Variants in WDFY3 observed in about 807,000 individuals in gnomAD.
WDFY3 encodes WD repeat and FYVE domain containing 3.
WDFY3 carries 66 observed loss-of-function variants against 409.6 expected under a neutral mutation model. The ratio of observed to expected loss-of-function variants is 0.16; its 90% CI spans 0.13 to 0.20. The LOEUF is 0.20. Among genes scored for constraint, WDFY3 ranks in the 10% least tolerant of loss-of-function variants. The pLI is 1.00. For synonymous variants in WDFY3, 1,521 were observed against 1,537.1 expected (o/e 0.99, Z 0.25); for missense variants, 3,031 against 4,298.1 (o/e 0.71, Z 8.24).
chr4:84,865,710 C>T (rs932673196), intron 3 of WDFY3, among the ~76,000 whole-genome samples: 1 of 152,176 alleles, frequency 6.6e-6, no homozygotes, highest in South Asian at 2.1e-4. Context: ...TCACTGCAAA[C>T]CCCACTGGAA....
At chr4:84,830,492 T>C (rs1420978937) in intron 8 of WDFY3, among the ~76,000 whole-genome samples, 1 of 152,210 alleles carries the variant, frequency 6.6e-6, no homozygotes, top group South Asian at 2.1e-4. Flanking sequence ...ATTAAATGCG[T>C]TTTCGACTTA....
At chr4:84,927,598 C>G (rs1579162224) in intron 2 of WDFY3, among the ~76,000 whole-genome samples, 1 of 152,102 alleles carries the variant, frequency 6.6e-6, no homozygotes, top group African/African-American at 2.4e-5. Context: ...AGGGCGGGGC[C>G]AGGTGGAGGT....
intron 67 of WDFY3, among the ~76,000 whole-genome samples, chr4:84,674,005 G>A (rs557793729): frequency 6.6e-6 from 1 of 152,254 alleles, no homozygotes; most frequent in East Asian, 1.9e-4. Context: ...TGGGTTTAAA[G>A]GACTGTCACT....
At chr4:84,676,188 C>T (rs1726259560) in intron 67 of WDFY3, among the ~76,000 whole-genome samples, 1 of 151,578 alleles carries the variant, frequency 6.6e-6, no homozygotes, top group Admixed American at 6.6e-5. Context: ...CAAAGGTGTA[C>T]AGCACAGAAT....
At chr4:84,700,018 T>A (rs559073767) in intron 56 of WDFY3, among the ~76,000 whole-genome samples, 1 of 152,228 alleles carries the variant, frequency 6.6e-6, no homozygotes, top group African/African-American at 2.4e-5. Flanking sequence ...CTTTTCATTT[T>A]CTTGGTAACA....
At chr4:84,711,431 A>G (rs1437249687) in intron 51 of WDFY3, among the ~76,000 whole-genome samples, 1 of 152,260 alleles carries the variant, frequency 6.6e-6, no homozygotes, top group African/African-American at 2.4e-5. Context: ...AATAGGCAAA[A>G]GATACGGACA....
chr4:84,772,272 T>A (rs768724956), intron 30 of WDFY3, among the ~76,000 whole-genome samples: 3 of 152,038 alleles, frequency 2.0e-5, no homozygotes, highest in Admixed American at 2.0e-4. Context: ...AAGAAAAACA[T>A]ATGGGAACAG....
chr4:84,707,037 C>T (rs2148971355), intron 53 of WDFY3, among the ~76,000 whole-genome samples: 1 of 151,088 alleles, frequency 6.6e-6, no homozygotes, highest in South Asian at 2.1e-4. Context: ...CTCACCAGCT[C>T]AAGTGATCCT....
chr4:84,812,937 G>A (rs1356196216), intron 13 of WDFY3, among the ~76,000 whole-genome samples: 2 of 152,040 alleles, frequency 1.3e-5, no homozygotes, highest in Non-Finnish European at 2.9e-5. Context: ...GAGATCTGGA[G>A]GCTGCTTGGT....
chr4:84,739,211 G>T, intron 39 of WDFY3, 92 bp from the exon 40 acceptor site: 1 of 1,238,814 alleles, frequency 8.1e-7, no homozygotes, highest in Non-Finnish European at 1.2e-6. Flanking sequence ...ATTACCAGCA[G>T]ACACTGAATG....
intron 55 of WDFY3, 40 bp downstream of exon 55, chr4:84,704,298 G>C (rs1487095291): frequency 7.1e-7 from 1 of 1,402,378 alleles, no homozygotes; most frequent in Non-Finnish European, 9.9e-7. Flanking sequence ...ATAGAAGTAG[G>C]CTTGTATAAA....
intron 23 of WDFY3, among the ~76,000 whole-genome samples, chr4:84,786,589 T>C (rs886825407): frequency 6.6e-6 from 1 of 152,192 alleles, no homozygotes; most frequent in Non-Finnish European, 1.5e-5. Context: ...AAGGCATGTG[T>C]TTTAAAGCTA....
chr4:84,693,907 A>G (rs1053989279), intron 58 of WDFY3, among the ~76,000 whole-genome samples: 11 of 152,184 alleles, frequency 7.2e-5, no homozygotes, highest in Middle Eastern at 3.4e-3. Flanking sequence ...AAAAAAAAAA[A>G]AAAAAAGTAC....
At chr4:84,929,506 G>A (rs758497527) in intron 2 of WDFY3, among the ~76,000 whole-genome samples, 3 of 149,798 alleles carry the variant, frequency 2.0e-5, no homozygotes, top group East Asian at 2.0e-4. Context: ...AATCCATACC[G>A]TCAGTACCTC....
chr4:84,774,477 T>G (rs1745217122), intron 29 of WDFY3, among the ~76,000 whole-genome samples: 1 of 152,252 alleles, frequency 6.6e-6, no homozygotes. Flanking sequence ...GTATGCGTGC[T>G]TGTGCACATA....
At chr4:84,963,324 T>A (rs2151224349) in intron 1 of WDFY3, among the ~76,000 whole-genome samples, 1 of 150,572 alleles carries the variant, frequency 6.6e-6, no homozygotes, top group Non-Finnish European at 1.5e-5. Flanking sequence ...CTTGGGTGGC[T>A]GAGGCACGAG....
intron 4 of WDFY3, among the ~76,000 whole-genome samples, chr4:84,858,766 C>A: frequency 7.1e-6 from 1 of 140,852 alleles, no homozygotes; most frequent in Admixed American, 7.6e-5. Context: ...CAGAGCCAGT[C>A]AGAGATTGGG....
intron 61 of WDFY3, 105 bp from the exon 62 acceptor site, chr4:84,688,370 T>G: frequency 9.0e-7 from 1 of 1,105,424 alleles, no homozygotes; most frequent in Non-Finnish European, 1.3e-6. Context: ...GCACGCATGC[T>G]AGGTAGTAGG....
In WDFY3 at chr4:84,685,980, C is replaced by A. The variant is rs149953446; in HGVS notation, c.9544-1855G>T. Among the ~76,000 whole-genome samples, 625 of 152,290 alleles carry A rather than the reference C, an allele frequency of 4.1e-3. 4 individuals are homozygous for A. Among genetic ancestry groups the A allele is most frequent in the African/African-American group, 0.014 (585 of 41,568 alleles). ...CTACAGCACCCACATTTTTGTAAAG[C>A]TCTTTTGGTTCAAATGTTTGCAGGA... On this transcript the variant is annotated intron_variant, in intron 62 of 67. Coordinates refer to ENST00000295888, the MANE Select transcript of WDFY3 (RefSeq NM_014991.6).
Sources: gnomAD v4.1 joint callset for allele counts (sites outside exome capture counted in the v4.1 genomes callset) on GRCh38, gnomAD v4.1.1 for gene constraint, MANE v1.5 for transcripts, NCBI Gene and HGNC (gene_info 2026-07-23, HGNC 2026-07-21) for gene names.